Variants in ALG1 observed in about 807,000 individuals in gnomAD.
The protein encoded by ALG1 is chitobiosyldiphosphodolichol beta-mannosyltransferase.
A neutral mutation model predicts 55.1 loss-of-function variants in ALG1; 58 were observed. The observed-to-expected ratio is 1.05, with a 90% confidence interval of 0.85 to 1.31. ALG1 has a LOEUF of 1.31. Ranked by LOEUF, ALG1 falls within the 50% of genes most tolerant of loss-of-function variation. The probability of loss-of-function intolerance (pLI) is 0.00; values close to 1 mark genes in which losing one functional copy is unlikely to be tolerated. For synonymous variants in ALG1, 309 were observed against 247.0 expected (o/e 1.25, Z -2.35); for missense variants, 761 against 598.6 (o/e 1.27, Z -2.83).
At position 5,084,731 on chromosome 16, in the gene ALG1, G is replaced by A; in HGVS notation, c.1264-19G>A. On this transcript the variant is annotated intron_variant, in intron 12 of 12. Coordinates refer to ENST00000262374, the MANE Select transcript of ALG1 (RefSeq NM_019109.5). ...GGGGACAGGCAATGAGGTAAGCTCT[G>A]CTCTTTATTTTTTTGCAGATGCTTT... The A allele has an allele frequency of 1.9e-6, 3 of 1,596,458 alleles. No homozygotes were observed. Among genetic ancestry groups the A allele is most frequent in the Non-Finnish European group, 2.5e-6 (3 of 1,179,768 alleles).
At chr16:5,082,404 T>G (rs1957031161) in intron 10 of ALG1, among the ~76,000 whole-genome samples, 155 bp from the exon 11 acceptor site, 1 of 152,244 alleles carries the variant, frequency 6.6e-6, no homozygotes, top group Admixed American at 6.5e-5. Flanking sequence ...CCAGGCTGTG[T>G]GGCTGCTTGG....
chr16:5,084,533 G>A (rs1172401059), intron 12 of ALG1: 6 of 749,366 alleles, frequency 8.0e-6, no homozygotes, highest in Non-Finnish European at 1.3e-5. Context: ...GGCACCAAGT[G>A]TGGGAAAGTG....
chr16:5,082,938 C>T (rs1230397810), intron 11 of ALG1, among the ~76,000 whole-genome samples: 1 of 152,198 alleles, frequency 6.6e-6, no homozygotes, highest in Non-Finnish European at 1.5e-5. Flanking sequence ...ACTACTTTTG[C>T]ACCAACCCAA....
At chr16:5,075,680 C>T (rs1363104432) in intron 4 of ALG1, 144 bp downstream of exon 4, 1 of 1,041,462 alleles carries the variant, frequency 9.6e-7, no homozygotes, top group Non-Finnish European at 1.4e-6. Flanking sequence ...AGGCCGAATG[C>T]TGGTTCCAAA....
At chr16:5,075,658 G>A in intron 4 of ALG1, 122 bp downstream of exon 4, 1 of 1,260,250 alleles carries the variant, frequency 7.9e-7, no homozygotes, top group Non-Finnish European at 1.1e-6. Flanking sequence ...GGTGGGGTGA[G>A]GCTGGTGAAT....
chr16:5,082,775 G>A (rs1008643010), intron 11 of ALG1, 102 bp downstream of exon 11: 7 of 1,376,110 alleles, frequency 5.1e-6, no homozygotes, highest in South Asian at 3.6e-5. Context: ...CCTGCCCCTC[G>A]GTCAGTCCGG....
At chr16:5,079,835 T>C (rs769444907) in intron 9 of ALG1, 28 bp downstream of exon 9, 4 of 1,608,248 alleles carry the variant, frequency 2.5e-6, no homozygotes, top group Non-Finnish European at 3.4e-6. Flanking sequence ...GGGTGTCTGT[T>C]TGGTTGGGGG....
At chr16:5,082,476 G>T in intron 10 of ALG1, 83 bp from the exon 11 acceptor site, 1 of 1,445,716 alleles carries the variant, frequency 6.9e-7, no homozygotes. Flanking sequence ...ACTCTCCTTG[G>T]GGGATGCTGC....
At chr16:5,078,621 G>T (rs1277026317) in intron 6 of ALG1, 136 bp from the exon 7 acceptor site, 12 of 1,484,594 alleles carry the variant, frequency 8.1e-6, no homozygotes, top group Non-Finnish European at 1.1e-5. Flanking sequence ...AGATGGCAGG[G>T]GTGGCCTGGT....
chr16:5,073,403 CTATT>C (rs1161710695), intron 3 of ALG1, 147 bp downstream of exon 3: 3 of 709,396 alleles, frequency 4.2e-6, no homozygotes, highest in East Asian at 2.7e-5. Flanking sequence ...TGGTATGTGT[CTATT>C]TATGGCACCT....
At chr16:5,079,245 G>C in intron 8 of ALG1, 143 bp downstream of exon 8, 1 of 1,094,342 alleles carries the variant, frequency 9.1e-7, no homozygotes, top group Non-Finnish European at 1.3e-6. Flanking sequence ...GAAGTGGGCC[G>C]CCCTGAATCC....
intron 4 of ALG1, among the ~76,000 whole-genome samples, chr16:5,076,831 A>G (rs914749317): frequency 1.1e-4 from 13 of 120,830 alleles, no homozygotes; most frequent in South Asian, 5.0e-4. Flanking sequence ...GTCTCACTCT[A>G]TGTCCCAGAC....
intron 3 of ALG1, among the ~76,000 whole-genome samples, chr16:5,074,646 G>A (rs1387729949): frequency 6.6e-6 from 1 of 152,176 alleles, no homozygotes; most frequent in Non-Finnish European, 1.5e-5. Flanking sequence ...CCCAGCAGTG[G>A]AATTGTGTAG....
chr16:5,073,813 C>G (rs577179985), intron 3 of ALG1, among the ~76,000 whole-genome samples: 133 of 152,334 alleles, frequency 8.7e-4, no homozygotes, highest in African/African-American at 3.0e-3. Context: ...CTGCCGGGTT[C>G]AAGTGATTCT....
intron 10 of ALG1, among the ~76,000 whole-genome samples, chr16:5,081,764 G>T (rs1377224561): frequency 1.3e-5 from 2 of 152,032 alleles, no homozygotes; most frequent in Non-Finnish European, 1.5e-5. Context: ...GTTTCACCAT[G>T]TTGGCCAGGC....
At chr16:5,075,848 C>A (rs918321910) in intron 4 of ALG1, among the ~76,000 whole-genome samples, 1 of 152,230 alleles carries the variant, frequency 6.6e-6, no homozygotes, top group African/African-American at 2.4e-5. Flanking sequence ...ACTCTCCTAG[C>A]TCTTGTCCTC....
intron 1 of ALG1, chr16:5,072,422 C>T: frequency 2.0e-6 from 1 of 489,922 alleles, no homozygotes; most frequent in Non-Finnish European, 3.5e-6. Flanking sequence ...CATCCCTCAA[C>T]GCAGAGCTCT....
In ALG1 at chr16:5,078,975, G is replaced by T; in HGVS notation, c.863-89G>T. On this transcript the variant is annotated intron_variant, in intron 7 of 12. Coordinates refer to ENST00000262374, the MANE Select transcript of ALG1 (RefSeq NM_019109.5). ...TGCCAGTCCTGCATGCTCCCACCCT[G>T]CCACGGTCTCAATGAGAACGGGAGG... is the stretch of plus-strand genomic sequence containing the variant. 3.1e-6 allele frequency: 5 copies of T among 1,595,426 alleles called. No individual in the cohort carries two copies. In the South Asian group the frequency reaches 5.6e-5, roughly 18 times the overall value.
intron 10 of ALG1, among the ~76,000 whole-genome samples, chr16:5,081,582 G>A (rs557085565): frequency 6.6e-6 from 1 of 152,184 alleles, no homozygotes; most frequent in Non-Finnish European, 1.5e-5. Context: ...CCTAGTCTTT[G>A]TTTTAGACAG....
Sources: gnomAD v4.1 joint callset for allele counts (sites outside exome capture counted in the v4.1 genomes callset) on GRCh38, gnomAD v4.1.1 for gene constraint, MANE v1.5 for transcripts, NCBI Gene and HGNC (gene_info 2026-07-23, HGNC 2026-07-21) for gene names.